Variants in ABCD2 observed in about 807,000 individuals in gnomAD.
ABCD2 encodes ATP-binding cassette sub-family D member 2.
ABCD2 carries 36 observed loss-of-function variants against 70.9 expected under a neutral mutation model. The observed-to-expected ratio is 0.51, with a 90% confidence interval of 0.39 to 0.67. The LOEUF is 0.67. ABCD2 is among the 30% of genes least tolerant of loss of function. The pLI, the probability that ABCD2 is intolerant of heterozygous loss-of-function variation, is 0.00. For missense variants in ABCD2, 729 were observed against 890.2 expected, an observed-to-expected ratio of 0.82 and a Z score of 2.30; for synonymous variants, 304 against 306.9, an observed-to-expected ratio of 0.99 and a Z score of 0.10.
At chr12:39,609,614 T>G (rs1274318150) in intron 2 of ABCD2, among the ~76,000 whole-genome samples, 1 of 152,190 alleles carries the variant, frequency 6.6e-6, no homozygotes, top group Non-Finnish European at 1.5e-5. Context: ...TATCTTCAAA[T>G]TTCCAAACTA....
At chr12:39,605,029 A>T (rs187030174) in intron 3 of ABCD2, 99 bp from the exon 4 acceptor site, 7 of 909,888 alleles carry the variant, frequency 7.7e-6, no homozygotes, top group African/African-American at 1.7e-5. Context: ...AATGTAAAAG[A>T]TTATATTGCA....
At chr12:39,574,810 A>G (rs141115223) in intron 8 of ABCD2, among the ~76,000 whole-genome samples, 2 of 152,324 alleles carry the variant, frequency 1.3e-5, no homozygotes, top group East Asian at 3.9e-4. Flanking sequence ...TTCTTATCAG[A>G]ATAAATCATT....
intron 9 of ABCD2, among the ~76,000 whole-genome samples, chr12:39,572,598 G>T (rs568564195): frequency 6.6e-6 from 1 of 152,256 alleles, no homozygotes; most frequent in African/African-American, 2.4e-5. Flanking sequence ...AACAATAAAA[G>T]CCTGATTGGA....
the ABCD2 span, among the ~76,000 whole-genome samples, chr12:39,535,114 T>A: frequency 6.6e-6 from 1 of 152,180 alleles, no homozygotes; most frequent in East Asian, 1.9e-4. Context: ...TGGAACAATT[T>A]TTCTTTCTTA....
the ABCD2 span, among the ~76,000 whole-genome samples, chr12:39,539,055 C>T: frequency 6.6e-6 from 1 of 152,206 alleles, no homozygotes; most frequent in Non-Finnish European, 1.5e-5. Context: ...TGTTGGCGCA[C>T]TCTCAGGGTT....
At chr12:39,556,532 C>T (rs1357137851) in intron 9 of ABCD2, among the ~76,000 whole-genome samples, 1 of 152,108 alleles carries the variant, frequency 6.6e-6, no homozygotes, top group African/African-American at 2.4e-5. Flanking sequence ...GTTTGCCTTC[C>T]ACCATGATTG....
chr12:39,560,418 C>T (rs918374256), intron 9 of ABCD2, among the ~76,000 whole-genome samples: 2 of 152,120 alleles, frequency 1.3e-5, no homozygotes, highest in African/African-American at 2.4e-5. Context: ...CATTGATGGA[C>T]ATTTGGGTTG....
chr12:39,550,018 A>G (rs1941065652), downstream of ABCD2: 1 of 151,798 alleles, frequency 6.6e-6, no homozygotes, highest in African/African-American at 2.4e-5. Context: ...CTAATTTTCA[A>G]TGGTCACAAG....
chr12:39,561,725 A>C (rs1325427829), intron 9 of ABCD2, among the ~76,000 whole-genome samples: 1 of 152,186 alleles, frequency 6.6e-6, no homozygotes, highest in East Asian at 1.9e-4. Context: ...ATCTGAAAGA[A>C]GTGAACTACA....
At chr12:39,579,200 A>G (rs1481533452) in intron 8 of ABCD2, among the ~76,000 whole-genome samples, 1 of 152,214 alleles carries the variant, frequency 6.6e-6, no homozygotes, top group Admixed American at 6.5e-5. Context: ...CGTCTCTACT[A>G]AAAACACAAA....
intron 1 of ABCD2, among the ~76,000 whole-genome samples, chr12:39,617,534 C>A (rs1243154172): frequency 6.6e-6 from 1 of 152,024 alleles, no homozygotes; most frequent in Non-Finnish European, 1.5e-5. Context: ...TGTATAGACT[C>A]CACTTTTGAA....
intron 6 of ABCD2, among the ~76,000 whole-genome samples, chr12:39,595,610 G>A (rs771324984): frequency 3.3e-5 from 5 of 152,088 alleles, no homozygotes; most frequent in Non-Finnish European, 5.9e-5. Flanking sequence ...TTATCAAGTA[G>A]TATTTATATT....
At chr12:39,618,312 T>G (rs549720570) in intron 1 of ABCD2, among the ~76,000 whole-genome samples, 3 of 152,350 alleles carry the variant, frequency 2.0e-5, no homozygotes, top group Admixed American at 2.0e-4. Flanking sequence ...AGTCTTAGTT[T>G]CTAAATATAT....
chr12:39,579,701 A>G (rs900479808), intron 7 of ABCD2, 82 bp from the exon 8 acceptor site: 3 of 1,086,798 alleles, frequency 2.8e-6, no homozygotes, highest in African/African-American at 3.2e-5. Context: ...GTGATTCCTG[A>G]CAAATTCAAA....
chr12:39,533,937 T>C, the ABCD2 span, among the ~76,000 whole-genome samples: 1 of 152,194 alleles, frequency 6.6e-6, no homozygotes, highest in African/African-American at 2.4e-5. Flanking sequence ...ATGATAGGAA[T>C]GAATCTCAAC....
chr12:39,593,930 A>C (rs1056639973), intron 6 of ABCD2, among the ~76,000 whole-genome samples: 1 of 152,212 alleles, frequency 6.6e-6, no homozygotes, highest in African/African-American at 2.4e-5. Context: ...ACACCAATAA[A>C]TTTTTTAAAA....
chr12:39,609,908 A>AT (rs993115532), intron 2 of ABCD2, among the ~76,000 whole-genome samples: 24 of 152,044 alleles, frequency 1.6e-4, no homozygotes, highest in South Asian at 1.0e-3. Context: ...TGATTTTCAG[A>AT]TTTTTTTTCC....
At chr12:39,586,068 A>T (rs959349446) in intron 7 of ABCD2, 84 bp downstream of exon 7, 1 of 1,297,122 alleles carries the variant, frequency 7.7e-7, no homozygotes, top group Non-Finnish European at 1.1e-6. Flanking sequence ...CATACATTCA[A>T]ATTAAACCAC....
At chr12:39,601,312 G>C (rs1941893610) in intron 5 of ABCD2, among the ~76,000 whole-genome samples, 1 of 151,654 alleles carries the variant, frequency 6.6e-6, no homozygotes, top group African/African-American at 2.4e-5. Flanking sequence ...AGGAAAGCAA[G>C]AGGATTGTAT....
Sources: allele counts gnomAD v4.1 joint callset (sites outside exome capture counted in the v4.1 genomes callset), GRCh38; gene constraint gnomAD v4.1.1; transcripts MANE v1.5; gene names NCBI Gene and HGNC (gene_info 2026-07-23, HGNC 2026-07-21).